MSI2: variants seen among roughly 807,000 people sequenced by gnomAD.
MSI2 encodes musashi RNA binding protein 2.
MSI2 carries 17 observed loss-of-function variants against 45.6 expected under a neutral mutation model. The ratio of observed to expected loss-of-function variants is 0.37; its 90% confidence interval spans 0.26 to 0.56. The LOEUF (loss-of-function observed/expected upper bound fraction) is 0.56, where lower values mean the gene tolerates loss of function less well. Among genes scored for constraint, MSI2 ranks in the 20% least tolerant of loss-of-function variants. MSI2 has a pLI of 0.77. For synonymous variants in MSI2, 156 were observed against 158.2 expected (o/e 0.99, Z 0.11); for missense variants, 293 against 444.2 (o/e 0.66, Z 3.06).
At chr17:57,578,211 G>A (rs2088102943) in intron 7 of MSI2, among the ~76,000 whole-genome samples, 1 of 151,796 alleles carries the variant, frequency 6.6e-6, no homozygotes, top group Non-Finnish European at 1.5e-5. Context: ...GCTGGTGACA[G>A]CCCAAGCTCT....
intron 7 of MSI2, among the ~76,000 whole-genome samples, chr17:57,583,504 T>A (rs76268344): frequency 6.6e-6 from 1 of 150,844 alleles, no homozygotes; most frequent in Admixed American, 6.6e-5. Context: ...TTTTTTTTTT[T>A]TTTGAGACAG....
At chr17:57,377,586 C>T (rs2083521277) in intron 5 of MSI2, among the ~76,000 whole-genome samples, 2 of 152,196 alleles carry the variant, frequency 1.3e-5, no homozygotes, top group Non-Finnish European at 2.9e-5. Flanking sequence ...ATCTTTACAA[C>T]AAGGACTTCT....
At chr17:57,499,061 C>T (rs1158069521) in intron 6 of MSI2, among the ~76,000 whole-genome samples, 1 of 151,860 alleles carries the variant, frequency 6.6e-6, no homozygotes, top group East Asian at 1.9e-4. Flanking sequence ...CATTTGGTGA[C>T]AATTGGGCTT....
At position 57,357,418 on chromosome 17, in the gene MSI2, G is replaced by C. The variant is rs76341979; in HGVS notation, c.313-43961G>C. Among the ~76,000 whole-genome samples the C allele has an allele frequency of 7.1e-3, 1,074 of 152,146 alleles. 16 individuals are homozygous for C. Among genetic ancestry groups the C allele is most frequent in the African/African-American group, 0.024 (1,013 of 41,516 alleles). On this transcript the variant is annotated intron_variant, in intron 5 of 13. Transcript: ENST00000284073. ...GGGCTGCTTAGAGCTTCTGGCCTTC[G>C]GAGCTGGATCCAGCCACTTGAGCTT... is the stretch of plus-strand genomic sequence containing the variant.
rs781460110 is a variant in MSI2 at position 57,674,984 on chromosome 17, C to T, written c.803C>T (p.Ala268Val). The T allele has an allele frequency of 9.3e-6, 15 of 1,613,290 alleles. 1 individual carries two copies. In the South Asian group the frequency reaches 1.3e-4, roughly 14 times the overall value. The change falls in exon 12 of 14, where the codon GCG becomes GTG. Residue 268 changes from alanine (A) to valine (V), a missense_variant. Physicochemically the swap from Ala to Val is moderately conservative, Grantham distance 64. Transcript: ENST00000284073. ...AAARGSGSNP[A>V]RPGGFPGANS... Reference sequence around the variant, plus strand: ...GCTTCCCCGGCAGGCTCCAACCCGGCGCGGCCCGGAGGCTTCCCGGGGGCC... The same window carrying T: ...GCTTCCCCGGCAGGCTCCAACCCGGTGCGGCCCGGAGGCTTCCCGGGGGCC...
At chr17:57,474,838 C>A (rs948802884) in intron 6 of MSI2, among the ~76,000 whole-genome samples, 2 of 152,174 alleles carry the variant, frequency 1.3e-5, no homozygotes, top group Non-Finnish European at 2.9e-5. Flanking sequence ...TCTGCCTCAG[C>A]ATCCTGAGTA....
intron 11 of MSI2, among the ~76,000 whole-genome samples, chr17:57,665,869 G>A (rs559814476): frequency 2.0e-5 from 3 of 152,250 alleles, no homozygotes; most frequent in East Asian, 1.9e-4. Context: ...CTGCTTCCAC[G>A]CTGACCCCAC....
intron 6 of MSI2, among the ~76,000 whole-genome samples, chr17:57,436,344 A>C (rs2084690050): frequency 6.6e-6 from 1 of 152,246 alleles, no homozygotes; most frequent in African/African-American, 2.4e-5. Context: ...CAGAATATGC[A>C]CTCAGTAAAT....
intron 5 of MSI2, among the ~76,000 whole-genome samples, chr17:57,277,053 CTTTTTTT>C (rs34561938): frequency 1.8e-4 from 22 of 124,990 alleles, no homozygotes; most frequent in Non-Finnish European, 2.9e-4. Flanking sequence ...GTTTTCTTTT[CTTTTTTT>C]TTTTTTTTTT....
chr17:57,527,095 A>T (rs1428405733), intron 6 of MSI2, among the ~76,000 whole-genome samples: 1 of 152,238 alleles, frequency 6.6e-6, no homozygotes. Flanking sequence ...TTCCTAAGGG[A>T]ATCTGAGTCC....
chr17:57,341,085 T>G (rs1322184586), intron 5 of MSI2, among the ~76,000 whole-genome samples: 3 of 152,168 alleles, frequency 2.0e-5, no homozygotes, highest in Non-Finnish European at 2.9e-5. Flanking sequence ...CACCTTTCCC[T>G]AGCCCTCTTC....
intron 6 of MSI2, among the ~76,000 whole-genome samples, chr17:57,515,795 A>C (rs1042903857): frequency 1.3e-5 from 2 of 152,218 alleles, no homozygotes; most frequent in African/African-American, 4.8e-5. Context: ...ATTTATGCCT[A>C]CTTTATCCAA....
chr17:57,619,925 A>G (rs910234861), intron 9 of MSI2, among the ~76,000 whole-genome samples: 1 of 152,160 alleles, frequency 6.6e-6, no homozygotes, highest in Non-Finnish European at 1.5e-5. Flanking sequence ...TTCTTGAGTT[A>G]TAACCTCCGC....
intron 7 of MSI2, among the ~76,000 whole-genome samples, chr17:57,578,610 C>T (rs1345226398): frequency 6.6e-6 from 1 of 152,036 alleles, no homozygotes; most frequent in East Asian, 1.9e-4. Context: ...AGAGGAGTGA[C>T]AAATACTTGC....
chr17:57,527,412 G>A (rs2086725231), intron 6 of MSI2, among the ~76,000 whole-genome samples: 1 of 152,156 alleles, frequency 6.6e-6, no homozygotes, highest in East Asian at 1.9e-4. Context: ...TGCCTGTGTG[G>A]TGCACGGGAG....
At chr17:57,685,171 A>G (rs562317327), downstream of MSI2, among the ~76,000 whole-genome samples, 1 of 152,292 alleles carries the variant, frequency 6.6e-6, no homozygotes, top group Non-Finnish European at 1.5e-5. Flanking sequence ...GGAAATCATT[A>G]CAATCACAAA....
At chr17:57,346,162 C>T (rs1242617846) in intron 5 of MSI2, among the ~76,000 whole-genome samples, 1 of 152,078 alleles carries the variant, frequency 6.6e-6, no homozygotes, top group African/African-American at 2.4e-5. Flanking sequence ...TTTATTTTAT[C>T]ACCATAAAAA....
intron 5 of MSI2, among the ~76,000 whole-genome samples, chr17:57,396,251 T>C (rs2083886589): frequency 6.6e-6 from 1 of 152,230 alleles, no homozygotes; most frequent in Non-Finnish European, 1.5e-5. Context: ...TGGTGTTTGT[T>C]TTGTTTTTGT....
chr17:57,526,235 A>AT (rs1381774539), intron 6 of MSI2, among the ~76,000 whole-genome samples: 1 of 152,094 alleles, frequency 6.6e-6, no homozygotes, highest in African/African-American at 2.4e-5. Context: ...AGGAAAAAAA[A>AT]GAAAAAAGAA....
Sources: allele counts gnomAD v4.1 joint callset (sites outside exome capture counted in the v4.1 genomes callset), GRCh38; gene constraint gnomAD v4.1.1; transcripts MANE v1.5; gene names NCBI Gene and HGNC (gene_info 2026-07-23, HGNC 2026-07-21).